WWOX: variants seen among roughly 807,000 people sequenced by gnomAD.
The protein encoded by WWOX is WW domain containing oxidoreductase.
Under a neutral mutation model 46.2 loss-of-function variants are expected in WWOX, and 69 were observed. The ratio of observed to expected loss-of-function variants is 1.49; its 90% CI spans 1.23 to 1.82. WWOX has a LOEUF of 1.82. Ranked by LOEUF, WWOX falls within the 40% of genes most tolerant of loss-of-function variation. The pLI is 0.00. For missense variants in WWOX, 919 were observed against 542.6 expected (o/e 1.69, Z -6.89); for synonymous variants, 359 against 202.6 (o/e 1.77, Z -6.56).
In WWOX at chr16:78,224,403, TA is replaced by T. The variant is rs56953728; in HGVS notation, c.516+60126del. On this transcript the variant is annotated intron_variant, in intron 5 of 8. Coordinates refer to ENST00000566780, the MANE Select transcript of WWOX (RefSeq NM_016373.4). ...ACGTATATATTATCTCTTTAAAAAT[TA>T]AAAAAAAAAAAGCCAGCCAAAAAAA... is the stretch of plus-strand genomic sequence containing the variant. Among the ~76,000 whole-genome samples the T allele has an allele frequency of 8.4e-3, 1,193 of 141,236 alleles. 4 individuals are homozygous for T. Among genetic ancestry groups the T allele is most frequent in the East Asian group, 0.021 (103 of 4,918 alleles). The allele number at this position is 141,236 out of a possible 152,430, so 92.7% of individuals were successfully genotyped here.
chr16:79,044,035 A>C (rs933287560), intron 8 of WWOX, among the ~76,000 whole-genome samples: 1 of 152,212 alleles, frequency 6.6e-6, no homozygotes, highest in African/African-American at 2.4e-5. Flanking sequence ...TAGAGCCAGG[A>C]AGAGGCTTCG....
chr16:78,466,292 A>C (rs1248177121), intron 8 of WWOX, among the ~76,000 whole-genome samples: 1 of 151,998 alleles, frequency 6.6e-6, no homozygotes, highest in Non-Finnish European at 1.5e-5. Context: ...TGGCCTCCCA[A>C]AGTGCTGGGA....
At chr16:78,756,479 C>T (rs1278925826) in intron 8 of WWOX, among the ~76,000 whole-genome samples, 3 of 152,088 alleles carry the variant, frequency 2.0e-5, no homozygotes, top group African/African-American at 7.2e-5. Flanking sequence ...AATAGTTTAC[C>T]TTAGACCATG....
chr16:78,463,717 C>A (rs570157234), intron 8 of WWOX, among the ~76,000 whole-genome samples: 1 of 152,144 alleles, frequency 6.6e-6, no homozygotes. Flanking sequence ...TCACTCTGCT[C>A]CATAAAACTT....
chr16:78,199,891 G>A (rs1294495081), intron 5 of WWOX, among the ~76,000 whole-genome samples: 1 of 152,138 alleles, frequency 6.6e-6, no homozygotes, highest in Admixed American at 6.5e-5. Context: ...GTTGGATGGA[G>A]TGATCAATGG....
chr16:78,298,944 T>TTTC (rs10607152), intron 5 of WWOX, among the ~76,000 whole-genome samples: 1 of 152,008 alleles, frequency 6.6e-6, no homozygotes, highest in African/African-American at 2.4e-5. Context: ...TATTTTCCCT[T>TTTC]TTCTTCTTCT....
At chr16:78,900,151 TAACA>T (rs1241365077) in intron 8 of WWOX, among the ~76,000 whole-genome samples, 55 of 148,570 alleles carry the variant, frequency 3.7e-4, no homozygotes, top group Non-Finnish European at 5.9e-5. Context: ...AAGGAGTCAG[TAACA>T]AACCGTTCAT....
At chr16:78,334,959 G>T (rs7187247) in intron 5 of WWOX, among the ~76,000 whole-genome samples, 80 of 151,212 alleles carry the variant, frequency 5.3e-4, no homozygotes, top group African/African-American at 1.9e-3. Context: ...TGTGAGATGG[G>T]CGTTTATTAT....
At chr16:78,507,110 C>G (rs1431161069) in intron 8 of WWOX, among the ~76,000 whole-genome samples, 2 of 152,156 alleles carry the variant, frequency 1.3e-5, no homozygotes, top group African/African-American at 4.8e-5. Flanking sequence ...AAGTGATAGA[C>G]TTTGATAGTG....
At chr16:79,035,100 A>G (rs868772004) in intron 8 of WWOX, among the ~76,000 whole-genome samples, 1 of 152,186 alleles carries the variant, frequency 6.6e-6, no homozygotes, top group Non-Finnish European at 1.5e-5. Context: ...AAACAAATAA[A>G]TACACTTTTT....
At chr16:78,179,824 G>C (rs1217191349) in intron 5 of WWOX, 4 of 152,212 alleles carry the variant, frequency 2.6e-5, no homozygotes, top group African/African-American at 7.2e-5. Flanking sequence ...TGCTTGTCTT[G>C]TTCCTCTTGG....
chr16:79,193,054 G>A (rs2051168447), intron 8 of WWOX, among the ~76,000 whole-genome samples: 1 of 152,220 alleles, frequency 6.6e-6, no homozygotes, highest in Non-Finnish European at 1.5e-5. Context: ...CCAAAGAGTT[G>A]CCAATTCTCT....
At position 78,747,388 on chromosome 16, in the gene WWOX, T is replaced by C. The variant is rs113193683; in HGVS notation, c.1056+314636T>C. On this transcript the variant is annotated intron_variant, in intron 8 of 8. Coordinates refer to ENST00000566780, the MANE Select transcript of WWOX (RefSeq NM_016373.4). ...TTATCTTTCTAACACAGTTTAAATA[T>C]CACTTTCTCAGAGGCCTACCCTGAC... Among the ~76,000 whole-genome samples the C allele has an allele frequency of 6.8e-4, 103 of 152,110 alleles. No homozygotes were observed. In the East Asian group the frequency reaches 7.8e-3, roughly 11 times the overall value.
chr16:78,838,004 C>T (rs1396292427), intron 8 of WWOX, among the ~76,000 whole-genome samples: 3 of 152,152 alleles, frequency 2.0e-5, no homozygotes, highest in Non-Finnish European at 4.4e-5. Flanking sequence ...GTCTTTGCAC[C>T]TCCCAAGGCT....
intron 8 of WWOX, among the ~76,000 whole-genome samples, chr16:78,772,719 A>G (rs1250875265): frequency 6.6e-6 from 1 of 152,180 alleles, no homozygotes; most frequent in Non-Finnish European, 1.5e-5. Flanking sequence ...ACAGAGGCTC[A>G]AAGAACCTAG....
At chr16:79,134,233 T>C (rs539008463) in intron 8 of WWOX, among the ~76,000 whole-genome samples, 44 of 152,144 alleles carry the variant, frequency 2.9e-4, no homozygotes, top group Non-Finnish European at 5.9e-4. Context: ...TTGTTATAAA[T>C]AACTGCTGAG....
At chr16:78,651,604 A>G (rs2046967380) in intron 8 of WWOX, among the ~76,000 whole-genome samples, 1 of 152,146 alleles carries the variant, frequency 6.6e-6, no homozygotes, top group African/African-American at 2.4e-5. Flanking sequence ...CTTTTTGCCT[A>G]GAACCTCAGT....
At chr16:78,728,261 C>T (rs1415724639) in intron 8 of WWOX, among the ~76,000 whole-genome samples, 1 of 151,730 alleles carries the variant, frequency 6.6e-6, no homozygotes, top group Non-Finnish European at 1.5e-5. Flanking sequence ...GATGGGGTCC[C>T]ACTGTGTTGC....
In WWOX at chr16:78,183,265, G is replaced by C. The variant is rs1460527639; in HGVS notation, c.516+18976G>C. 2.0e-5 allele frequency among the ~76,000 whole-genome samples: 3 copies of C among 152,150 alleles called. No individual in the cohort carries two copies. The East Asian group carries it at 5.8e-4, about 29-fold the overall frequency. ...TAGGGGTCTATGTGTGTATGTGTTG[G>C]GGGCGGTGTGGCTGGGGAGGGAAGC... On this transcript the variant is annotated intron_variant, in intron 5 of 8. Transcript: ENST00000566780.
Sources: gnomAD v4.1 joint callset for allele counts (sites outside exome capture counted in the v4.1 genomes callset) on GRCh38, gnomAD v4.1.1 for gene constraint, MANE v1.5 for transcripts, NCBI Gene and HGNC (gene_info 2026-07-23, HGNC 2026-07-21) for gene names.